ZNHIT6: variants seen among roughly 807,000 people sequenced by gnomAD.
ZNHIT6 encodes box C/D snoRNA protein 1.
Under a neutral mutation model 57.2 loss-of-function variants are expected in ZNHIT6, and 45 were observed. That is an observed-to-expected ratio of 0.79 (90% confidence interval 0.62 to 1.01). The LOEUF (loss-of-function observed/expected upper bound fraction) is 1.01. Among genes scored for constraint, ZNHIT6 ranks in the 50% least tolerant of loss-of-function variants. The pLI is 0.00. For missense variants in ZNHIT6, 528 were observed against 567.3 expected, an observed-to-expected ratio of 0.93 and a Z score of 0.70; for synonymous variants, 188 against 190.0, an observed-to-expected ratio of 0.99 and a Z score of 0.09.
intron 5 of ZNHIT6, among the ~76,000 whole-genome samples, chr1:85,689,844 C>T (rs1278112381): frequency 6.6e-6 from 1 of 152,000 alleles, no homozygotes; most frequent in Admixed American, 6.6e-5. Context: ...TATGGGAAAG[C>T]CCCACAAAAC....
intron 4 of ZNHIT6, among the ~76,000 whole-genome samples, chr1:85,704,548 A>G (rs1166806320): frequency 3.9e-5 from 6 of 152,148 alleles, no homozygotes; most frequent in Non-Finnish European, 7.4e-5. Context: ...TTTTATAATT[A>G]TTCATTATAC....
At chr1:85,703,823 C>T (rs1662605509) in intron 4 of ZNHIT6, among the ~76,000 whole-genome samples, 1 of 152,108 alleles carries the variant, frequency 6.6e-6, no homozygotes, top group Non-Finnish European at 1.5e-5. Flanking sequence ...CCACAAGACA[C>T]TATAAAATGA....
In ZNHIT6 at chr1:85,696,235, T is replaced by G. The variant is rs890604036; in HGVS notation, c.1019+5922A>C. Among the ~76,000 whole-genome samples, 82 of 151,560 alleles carry G rather than the reference T, an allele frequency of 5.4e-4. 2 individuals are homozygous for G. The highest frequency in any genetic ancestry group is 1.9e-3 in the African/African-American group (79 of 41,314). ...TGTCGCCCAGGCTGGAATGTAACGG[T>G]GCAATCATGGCATTCACCATCACAC... On this transcript the variant is annotated intron_variant, in intron 5 of 9. Transcript: ENST00000370574.
chr1:85,695,809 G>A (rs1315958265), intron 5 of ZNHIT6, among the ~76,000 whole-genome samples: 1 of 152,214 alleles, frequency 6.6e-6, no homozygotes, highest in African/African-American at 2.4e-5. Flanking sequence ...GGCCGAGGCG[G>A]GCGGATCACA....
chr1:85,655,416 C>T (rs1209033963), intron 9 of ZNHIT6, among the ~76,000 whole-genome samples: 1 of 152,168 alleles, frequency 6.6e-6, no homozygotes, highest in Non-Finnish European at 1.5e-5. Context: ...GGTATTTTCA[C>T]TAATTCCAGT....
rs1377980788 is a variant in ZNHIT6 at position 85,707,825 on chromosome 1, C to T, written c.460G>A (p.Glu154Lys). The part of the protein sequence containing the change: ...EEVMDWSEVK[E>K]EKDNLEIKQE... ...TTTATCTCCAAGTTATCCTTCTCTT[C>T]CTTCACTTCTGACCAGTCCATTACC... Residue 154 changes from glutamate (E) to lysine (K), a missense_variant, in exon 1 of 10, where the codon GAA (glutamate) becomes AAA (lysine). Glu to Lys is a moderately conservative substitution (Grantham distance 56). Transcript: ENST00000370574. The T allele has an allele frequency of 6.2e-7, 1 of 1,614,166 alleles. No homozygotes were observed. The highest frequency in any genetic ancestry group is 1.7e-5 in the Admixed American group (1 of 60,022).
chr1:85,663,850 A>G (rs1041352146), intron 8 of ZNHIT6, among the ~76,000 whole-genome samples: 1 of 152,174 alleles, frequency 6.6e-6, no homozygotes. Context: ...TTTTTCTTTA[A>G]CAATGTTGAA....
At chr1:85,695,562 T>C (rs547502670) in intron 5 of ZNHIT6, among the ~76,000 whole-genome samples, 1 of 152,140 alleles carries the variant, frequency 6.6e-6, no homozygotes, top group African/African-American at 2.4e-5. Flanking sequence ...AAATAATTGA[T>C]TAAAAGAAAC....
At chr1:85,687,299 C>CAAAAAAAAAAAAAAAAAAAAAAAAAA (rs55889012) in intron 5 of ZNHIT6, among the ~76,000 whole-genome samples, 2 of 77,942 alleles carry the variant, frequency 2.6e-5, no homozygotes, top group African/African-American at 4.8e-5. Flanking sequence ...AAAAAAAAAA[C>CAAAAAAAAAAAAAAAAAAAAAAAAAA]AAAAAAAAAA....
chr1:85,700,996 G>A (rs898779987), intron 5 of ZNHIT6, among the ~76,000 whole-genome samples: 2 of 152,156 alleles, frequency 1.3e-5, no homozygotes, highest in East Asian at 1.9e-4. Context: ...TAGTAGAGAC[G>A]AGGTTTCACC....
At chr1:85,697,825 AC>A (rs1210569786) in intron 5 of ZNHIT6, among the ~76,000 whole-genome samples, 13 of 152,202 alleles carry the variant, frequency 8.5e-5, no homozygotes, top group African/African-American at 3.1e-4. Flanking sequence ...AGAATATGGC[AC>A]TTTTTTCCAT....
chr1:85,694,847 T>C (rs764362593), intron 5 of ZNHIT6, among the ~76,000 whole-genome samples: 4 of 152,258 alleles, frequency 2.6e-5, no homozygotes, highest in Non-Finnish European at 4.4e-5. Context: ...ATAGGAAACT[T>C]GGGAGGAGGT....
chr1:85,684,320 T>C (rs1661964241), intron 5 of ZNHIT6, among the ~76,000 whole-genome samples: 1 of 152,166 alleles, frequency 6.6e-6, no homozygotes, highest in African/African-American at 2.4e-5. Flanking sequence ...CAAGTAACTA[T>C]TCATGCATAG....
intron 7 of ZNHIT6, among the ~76,000 whole-genome samples, chr1:85,678,226 C>T (rs1027947288): frequency 2.0e-5 from 3 of 152,102 alleles, no homozygotes; most frequent in African/African-American, 7.2e-5. Context: ...TCTAAGAAGA[C>T]TTGGCTGAAA....
At chr1:85,674,249 A>G (rs1342045634) in intron 8 of ZNHIT6, among the ~76,000 whole-genome samples, 1 of 152,148 alleles carries the variant, frequency 6.6e-6, no homozygotes, top group African/African-American at 2.4e-5. Flanking sequence ...TTCTCCACAG[A>G]TAAGGTAGAG....
intron 5 of ZNHIT6, among the ~76,000 whole-genome samples, chr1:85,701,261 G>A (rs1662522891): frequency 6.6e-6 from 1 of 152,114 alleles, no homozygotes; most frequent in South Asian, 2.1e-4. Context: ...GAAAGGCTCC[G>A]TAGTTTACCC....
chr1:85,701,104 A>G (rs779857062), intron 5 of ZNHIT6, among the ~76,000 whole-genome samples: 2 of 152,216 alleles, frequency 1.3e-5, no homozygotes, highest in Non-Finnish European at 2.9e-5. Context: ...ACGAAAAACC[A>G]TTTTTACAAA....
chr1:85,686,186 C>T (rs1324768511), intron 5 of ZNHIT6, among the ~76,000 whole-genome samples: 1 of 151,852 alleles, frequency 6.6e-6, no homozygotes, highest in Admixed American at 6.6e-5. Flanking sequence ...TGGTCTCAAT[C>T]TCCTGACCTT....
intron 5 of ZNHIT6, among the ~76,000 whole-genome samples, chr1:85,684,390 C>T (rs1661966321): frequency 6.6e-6 from 1 of 152,154 alleles, no homozygotes; most frequent in African/African-American, 2.4e-5. Context: ...TCAATGAGGG[C>T]AGCATGGCCC....
Sources: gnomAD v4.1 joint callset for allele counts (sites outside exome capture counted in the v4.1 genomes callset) on GRCh38, gnomAD v4.1.1 for gene constraint, MANE v1.5 for transcripts, NCBI Gene and HGNC (gene_info 2026-07-23, HGNC 2026-07-21) for gene names.